LAMA3: variants seen among roughly 807,000 people sequenced by gnomAD.
LAMA3 encodes laminin subunit alpha 3.
In LAMA3, 281 loss-of-function variants were observed where a neutral mutation model predicts 402.0. That is an observed-to-expected ratio of 0.70 (90% CI 0.63 to 0.77). LAMA3 has a LOEUF of 0.77. Ranked by LOEUF, LAMA3 falls within the 30% of genes least tolerant of loss-of-function variation. The probability of loss-of-function intolerance (pLI) is 0.00; values close to 1 mark genes in which losing one functional copy is unlikely to be tolerated. For missense variants in LAMA3, 3,840 were observed against 4,215.5 expected (o/e 0.91, Z 2.47); for synonymous variants, 1,431 against 1,558.4 (o/e 0.92, Z 1.93).
chr18:23,900,181 A>G (rs1320384001), intron 47 of LAMA3, among the ~76,000 whole-genome samples: 1 of 152,004 alleles, frequency 6.6e-6, no homozygotes, highest in Admixed American at 6.6e-5. Flanking sequence ...AGCGGTTCTC[A>G]TGCCTCAGAC....
chr18:23,758,786 A>G (rs1204710617), intron 7 of LAMA3, among the ~76,000 whole-genome samples: 4 of 152,372 alleles, frequency 2.6e-5, no homozygotes, highest in South Asian at 2.1e-4. Context: ...TAGCAATCAT[A>G]AATATGATGC....
chr18:23,717,843 A>G (rs1256101548), intron 2 of LAMA3, among the ~76,000 whole-genome samples: 1 of 149,928 alleles, frequency 6.7e-6, no homozygotes, highest in Non-Finnish European at 1.5e-5. Flanking sequence ...TGCTGGGATT[A>G]CAGGCATGAG....
intron 2 of LAMA3, among the ~76,000 whole-genome samples, chr18:23,725,355 C>T (rs1598654298): frequency 6.6e-6 from 1 of 152,222 alleles, no homozygotes; most frequent in African/African-American, 2.4e-5. Flanking sequence ...AGGCAATCCA[C>T]CTGCCTCGGC....
In LAMA3 at chr18:23,842,478, G is replaced by T. The variant is rs756024998; in HGVS notation, c.3420G>T (p.Thr1140=). Residue 1140 remains threonine, a synonymous_variant, in exon 28 of 75, where the codon ACG becomes ACT. Coordinates refer to ENST00000313654, the MANE Select transcript of LAMA3 (RefSeq NM_198129.4). ...ATTTTTACCAAGCAGCGCACCCGACGTTTCCCGCGCAGGTGTCGGTGGATG... is the reference window on the plus strand; with the variant it reads ...ATTTTTACCAAGCAGCGCACCCGACTTTTCCCGCGCAGGTGTCGGTGGATG... ...VIHFYQAAHP[T]FPAQVSVDGG... 6.2e-7 allele frequency: 1 copy of T among 1,614,182 alleles called. No individual in the cohort carries two copies. Among genetic ancestry groups the T allele is most frequent in the African/African-American group, 1.3e-5 (1 of 75,060 alleles).
intron 12 of LAMA3, among the ~76,000 whole-genome samples, chr18:23,806,268 A>T (rs188860137): frequency 1.2e-3 from 189 of 152,312 alleles, no homozygotes; most frequent in African/African-American, 4.1e-3. Flanking sequence ...CACATCCTTG[A>T]CATCTATTCT....
chr18:23,933,292 A>G (rs2082220479), intron 66 of LAMA3, among the ~76,000 whole-genome samples: 1 of 152,154 alleles, frequency 6.6e-6, no homozygotes, highest in African/African-American at 2.4e-5. Context: ...CAAGTCAATA[A>G]AGGTTTCTTG....
intron 12 of LAMA3, among the ~76,000 whole-genome samples, chr18:23,793,366 C>T (rs2062699432): frequency 6.6e-6 from 1 of 151,898 alleles, no homozygotes; most frequent in South Asian, 2.1e-4. Context: ...AGCAAGGCCC[C>T]AAGATGTCAA....
At chr18:23,854,799 C>T (rs575475139) in intron 32 of LAMA3, among the ~76,000 whole-genome samples, 41 of 151,364 alleles carry the variant, frequency 2.7e-4, no homozygotes, top group Non-Finnish European at 5.0e-4. Context: ...CTGGCTAACA[C>T]GATGAAACCT....
At chr18:23,836,699 C>T (rs762364960) in intron 24 of LAMA3, among the ~76,000 whole-genome samples, 26 of 152,100 alleles carry the variant, frequency 1.7e-4, no homozygotes, top group Non-Finnish European at 2.9e-4. Flanking sequence ...CCCTGGGGCC[C>T]TTTCTCTCGA....
intron 2 of LAMA3, among the ~76,000 whole-genome samples, chr18:23,733,179 C>T (rs980235185): frequency 1.3e-5 from 2 of 152,122 alleles, no homozygotes; most frequent in Non-Finnish European, 2.9e-5. Context: ...GAGTCAAATG[C>T]ATGCACAAAG....
chr18:23,819,605 G>A (rs1016261876), intron 18 of LAMA3, among the ~76,000 whole-genome samples: 3 of 152,266 alleles, frequency 2.0e-5, no homozygotes, highest in African/African-American at 7.2e-5. Context: ...TGTGCTAAAC[G>A]ATTTTCTCAT....
chr18:23,792,320 TGGCTTCTGGTGAGGGCCACATACTGGG>T (rs1208612087), intron 12 of LAMA3, among the ~76,000 whole-genome samples: 1 of 152,206 alleles, frequency 6.6e-6, no homozygotes, highest in African/African-American at 2.4e-5. Context: ...CACATCTGGC[TGGCTTCTGGTGAGGGCCACATACTGGG>T]GCAAAACATG....
chr18:23,874,384 C>T (rs2064635329), intron 38 of LAMA3, among the ~76,000 whole-genome samples: 1 of 152,230 alleles, frequency 6.6e-6, no homozygotes, highest in African/African-American at 2.4e-5. Flanking sequence ...AGCAAAATAA[C>T]ATTCCTTTCA....
intron 29 of LAMA3, among the ~76,000 whole-genome samples, chr18:23,844,010 T>C (rs1027323653): frequency 1.4e-4 from 21 of 152,338 alleles, no homozygotes; most frequent in African/African-American, 4.8e-4. Context: ...AGACTCTCTG[T>C]GTGGCCCTCC....
At chr18:23,847,937 G>A (rs2063858192) in intron 32 of LAMA3, among the ~76,000 whole-genome samples, 1 of 152,256 alleles carries the variant, frequency 6.6e-6, no homozygotes, top group African/African-American at 2.4e-5. Flanking sequence ...CTGTCACTAT[G>A]GGACTGTGTT....
chr18:23,934,395 C>A (rs963884584), intron 67 of LAMA3, among the ~76,000 whole-genome samples: 1 of 152,122 alleles, frequency 6.6e-6, no homozygotes, highest in African/African-American at 2.4e-5. Context: ...TAGGCTGCAT[C>A]TGACCCAATT....
At chr18:23,702,183 G>A (rs1195127760) in intron 1 of LAMA3, among the ~76,000 whole-genome samples, 1 of 151,966 alleles carries the variant, frequency 6.6e-6, no homozygotes, top group Non-Finnish European at 1.5e-5. Context: ...AGTTTGAGGA[G>A]CAAGGAGAAT....
At chr18:23,756,301 A>G (rs2143642994) in intron 6 of LAMA3, among the ~76,000 whole-genome samples, 1 of 151,754 alleles carries the variant, frequency 6.6e-6, no homozygotes, top group African/African-American at 2.4e-5. Flanking sequence ...TAGACAAGGC[A>G]TTTTGCTGTT....
intron 37 of LAMA3, among the ~76,000 whole-genome samples, chr18:23,870,230 G>A (rs1455923435): frequency 6.6e-6 from 1 of 152,150 alleles, no homozygotes; most frequent in Non-Finnish European, 1.5e-5. Context: ...TTGAACCCGG[G>A]AGGCAGAGGT....
Sources: allele counts gnomAD v4.1 joint callset (sites outside exome capture counted in the v4.1 genomes callset), GRCh38; gene constraint gnomAD v4.1.1; transcripts MANE v1.5; gene names NCBI Gene and HGNC (gene_info 2026-07-23, HGNC 2026-07-21).